Variants in MYCBP2 observed in about 807,000 individuals in gnomAD.
MYCBP2 encodes the protein E3 ubiquitin-protein ligase MYCBP2.
MYCBP2 carries 120 observed loss-of-function variants against 525.3 expected under a neutral mutation model. That is an observed-to-expected ratio of 0.23 (90% CI 0.20 to 0.27). The LOEUF (loss-of-function observed/expected upper bound fraction) is 0.27, where lower values mean the gene tolerates loss of function less well. MYCBP2 is among the 10% of genes least tolerant of loss of function. The pLI, the probability that MYCBP2 is intolerant of heterozygous loss-of-function variation, is 1.00. For synonymous variants in MYCBP2, 1,894 were observed against 1,955.8 expected (o/e 0.97, Z 0.83); for missense variants, 4,149 against 5,657.1 (o/e 0.73, Z 8.55).
At position 77,233,152 on chromosome 13, in the gene MYCBP2, A is replaced by G; in HGVS notation, c.2737+4T>C. On this transcript the variant is annotated splice_donor_region_variant and intron_variant, in intron 18 of 82. Coordinates refer to ENST00000544440, the MANE Select transcript of MYCBP2 (RefSeq NM_015057.5). The stretch of plus-strand genomic sequence containing the variant: ...CCACCTAGGTGATAAGGAAGACCAA[A>G]TACCTTTGTGCTTGTCCCGTTTATG... 1 of 1,612,260 alleles carries G rather than the reference A, an allele frequency of 6.2e-7. No homozygotes were observed. The highest frequency in any genetic ancestry group is 8.5e-7 in the Non-Finnish European group (1 of 1,178,686).
intron 26 of MYCBP2, among the ~76,000 whole-genome samples, chr13:77,199,053 A>G (rs1416064762): frequency 1.3e-5 from 2 of 152,194 alleles, no homozygotes; most frequent in African/African-American, 2.4e-5. Context: ...ATGGCTGAAT[A>G]GGAACAGCTC....
chr13:77,082,971 T>C, intron 63 of MYCBP2, 61 bp downstream of exon 63: 1 of 1,485,858 alleles, frequency 6.7e-7, no homozygotes, highest in Non-Finnish European at 9.1e-7. Context: ...CATTTCATAC[T>C]TTGAATATTC....
chr13:77,096,237 G>A, intron 57 of MYCBP2, 75 bp downstream of exon 57: 1 of 1,374,078 alleles, frequency 7.3e-7, no homozygotes, highest in African/African-American at 1.4e-5. Flanking sequence ...ATCTGATGTA[G>A]TAAGATTATA....
chr13:77,213,932 G>A (rs566065000), intron 21 of MYCBP2, among the ~76,000 whole-genome samples: 1 of 152,354 alleles, frequency 6.6e-6, no homozygotes, highest in Admixed American at 6.5e-5. Context: ...ACCGGCTACT[G>A]CAAACCTGAG....
At chr13:77,238,594 AT>A (rs1421792464) in intron 17 of MYCBP2, among the ~76,000 whole-genome samples, 1 of 152,216 alleles carries the variant, frequency 6.6e-6, no homozygotes, top group Non-Finnish European at 1.5e-5. Context: ...ATCACAAACC[AT>A]TGAACTAAAA....
At chr13:77,153,220 G>T (rs896004744) in intron 46 of MYCBP2, among the ~76,000 whole-genome samples, 1 of 152,168 alleles carries the variant, frequency 6.6e-6, no homozygotes, top group Non-Finnish European at 1.5e-5. Context: ...TCTTCACTGA[G>T]CTGTTTAACA....
chr13:77,126,264 G>C, intron 53 of MYCBP2, 54 bp downstream of exon 53: 2 of 1,469,314 alleles, frequency 1.4e-6, no homozygotes, highest in Non-Finnish European at 1.9e-6. Flanking sequence ...TGCTTTGGTT[G>C]TATTACATTA....
intron 17 of MYCBP2, among the ~76,000 whole-genome samples, chr13:77,242,330 G>C (rs1415401975): frequency 6.6e-6 from 1 of 152,130 alleles, no homozygotes; most frequent in Admixed American, 6.5e-5. Context: ...TGGCCAGGAT[G>C]GTCTTGATCT....
intron 11 of MYCBP2, 75 bp from the exon 12 acceptor site, chr13:77,261,450 A>G (rs1172102464): frequency 3.8e-6 from 4 of 1,046,710 alleles, no homozygotes; most frequent in Non-Finnish European, 5.5e-6. Context: ...AGGAAAAAAA[A>G]GGACATCAAT....
At position 77,270,052 on chromosome 13, in the gene MYCBP2, G is replaced by A. The variant is rs1199799809; in HGVS notation, c.1200C>T (p.Tyr400=). Residue 400 remains tyrosine (Y), a synonymous_variant, in exon 7 of 83, where the codon TAC becomes TAT. Coordinates refer to ENST00000544440, the MANE Select transcript of MYCBP2 (RefSeq NM_015057.5). ...GYSGTVRGHI[Y]NSTSRIRNRK... is the part of the protein sequence containing the mutation. ...TGTTTCTAATACGGGATGTAGAATT[G>A]TATATATGGCCCTGCAAAAAAAACA... 1.2e-6 allele frequency: 2 copies of A among 1,610,578 alleles called. No homozygotes were observed. The highest frequency in any genetic ancestry group is 1.3e-5 in the African/African-American group (1 of 74,698).
At chr13:77,154,352 A>G (rs1463778104) in intron 46 of MYCBP2, among the ~76,000 whole-genome samples, 3 of 151,940 alleles carry the variant, frequency 2.0e-5, no homozygotes, top group African/African-American at 7.2e-5. Context: ...AGGAGAAAGA[A>G]GAGGAAGAAA....
intron 20 of MYCBP2, among the ~76,000 whole-genome samples, chr13:77,219,519 C>T (rs1299880919): frequency 3.3e-5 from 5 of 150,570 alleles, no homozygotes; most frequent in East Asian, 1.9e-4. Flanking sequence ...AAAATAAAGA[C>T]GCTAAAGACA....
chr13:77,278,025 A>G (rs1362696676), intron 4 of MYCBP2, among the ~76,000 whole-genome samples: 3 of 152,220 alleles, frequency 2.0e-5, no homozygotes, highest in Non-Finnish European at 4.4e-5. Context: ...CAAGAATCGG[A>G]ACATACTTTA....
rs1383871852 is a variant in MYCBP2 at position 77,224,549 on chromosome 13, C to T, written c.2858-17G>A. 1 of 1,526,092 alleles carries T rather than the reference C, an allele frequency of 6.6e-7. No individual in the cohort carries two copies. The highest frequency in any genetic ancestry group is 9.0e-7 in the Non-Finnish European group (1 of 1,106,182). 94.5% of individuals were successfully genotyped at this position (1,526,092 alleles called of 1,614,324 possible). On this transcript the variant is annotated splice_polypyrimidine_tract_variant and intron_variant, in intron 19 of 82. Coordinates refer to ENST00000544440, the MANE Select transcript of MYCBP2 (RefSeq NM_015057.5). ...TTAAAACCACTGCAACCAAAACACA[C>T]AGCTTTATTTTTTCATTATATGCAT... is the stretch of plus-strand genomic sequence containing the variant.
chr13:77,154,969 A>C (rs2057036046), intron 46 of MYCBP2, among the ~76,000 whole-genome samples: 1 of 152,076 alleles, frequency 6.6e-6, no homozygotes. Context: ...GTGTGTATGT[A>C]TATATAAAGT....
In MYCBP2 at chr13:77,139,229, T is replaced by G. The variant is rs143379789; in HGVS notation, c.7626A>C (p.Gln2542His). 2.5e-6 allele frequency: 4 copies of G among 1,613,836 alleles called. No individual in the cohort carries two copies. The highest frequency in any genetic ancestry group is 3.4e-6 in the Non-Finnish European group (4 of 1,179,780). The change falls in exon 52 of 83, where the codon CAA (glutamine) becomes CAC (histidine). Residue 2542 changes from glutamine to histidine, a missense_variant. Physicochemically the swap from Gln to His is conservative, Grantham distance 24. Around this residue, in one of 21 missense-constraint regions of MYCBP2, gnomAD observed 692 missense variants for 852.7 expected, o/e 0.81. Transcript: ENST00000544440. ...YTEAWCLSFN[Q>H]HLGKSLLVPV... ...GGACCAGAAGACTCTTGCCAAGATG[T>G]TGATTAAAAGAGAGGCACCAGGCTT...
At chr13:77,169,270 C>T (rs1391376633) in intron 39 of MYCBP2, among the ~76,000 whole-genome samples, 1 of 151,944 alleles carries the variant, frequency 6.6e-6, no homozygotes, top group African/African-American at 2.4e-5. Context: ...GTGGCGGGCG[C>T]CTGTAGTCCC....
At chr13:77,050,874 T>G in intron 82 of MYCBP2, 123 bp downstream of exon 82, 1 of 818,856 alleles carries the variant, frequency 1.2e-6, no homozygotes, top group Non-Finnish European at 1.9e-6. Context: ...AAGGAATTCC[T>G]CCTGCTTCTT....
At chr13:77,259,126 G>T (rs1265842843) in intron 13 of MYCBP2, among the ~76,000 whole-genome samples, 1 of 152,122 alleles carries the variant, frequency 6.6e-6, no homozygotes, top group Non-Finnish European at 1.5e-5. Context: ...TTAGCTGGGT[G>T]TTGTGGCACG....
Sources: gnomAD v4.1 joint callset for allele counts (sites outside exome capture counted in the v4.1 genomes callset) on GRCh38, gnomAD v4.1.1 for gene constraint, gnomAD v4.1.1 regional missense constraint, MANE v1.5 for transcripts, NCBI Gene and HGNC (gene_info 2026-07-23, HGNC 2026-07-21) for gene names.